The following RAB15 variants were observed in gnomAD, a reference collection of about 807,000 sequenced individuals.
RAB15 encodes RAB15, member RAS oncogene family, also known as ras-related protein Rab-15.
A neutral mutation model predicts 31.8 loss-of-function variants in RAB15; 13 were observed. The ratio of observed to expected loss-of-function variants is 0.41; its 90% CI spans 0.27 to 0.65. The LOEUF (loss-of-function observed/expected upper bound fraction) is 0.65. Ranked by LOEUF, RAB15 falls within the 30% of genes least tolerant of loss-of-function variation. The pLI, the probability that RAB15 is intolerant of heterozygous loss-of-function variation, is 0.32. For missense variants in RAB15, 220 were observed against 277.3 expected (o/e 0.79, Z 1.47); for synonymous variants, 100 against 105.6 (o/e 0.95, Z 0.33).
chr14:64,961,574 C>T (rs1294530765), intron 1 of RAB15, among the ~76,000 whole-genome samples: 1 of 152,162 alleles, frequency 6.6e-6, no homozygotes, highest in African/African-American at 2.4e-5. Context: ...CTCTAGGGCT[C>T]AAGCAGTGAG....
chr14:64,967,722 C>T (rs1422393996), intron 1 of RAB15, among the ~76,000 whole-genome samples: 1 of 152,194 alleles, frequency 6.6e-6, no homozygotes, highest in Non-Finnish European at 1.5e-5. Context: ...CATAGATGTC[C>T]ATGTATGACA....
At position 64,970,101 on chromosome 14, in the gene RAB15, G is replaced by C. The variant is rs1887345506; in HGVS notation, c.124+1852C>G. On this transcript the variant is annotated intron_variant, in intron 1 of 6. Coordinates refer to ENST00000533601, the MANE Select transcript of RAB15 (RefSeq NM_001308154.2). The surrounding 1 kb of genome is among the most constrained non-coding windows in gnomAD (Gnocchi z 4.1). Reference sequence around the variant, plus strand: ...ATGTCACCTATAGGACTTGGAATGGGACTAGGAGAGCAGGTGCAAACAACA... The same window carrying C: ...ATGTCACCTATAGGACTTGGAATGGCACTAGGAGAGCAGGTGCAAACAACA... Among the ~76,000 whole-genome samples, 1 of 152,178 alleles carries C rather than the reference G, an allele frequency of 6.6e-6. No homozygotes were observed. Among genetic ancestry groups the C allele is most frequent in the Non-Finnish European group, 1.5e-5 (1 of 68,028 alleles).
At chr14:64,959,560 A>G (rs1408665595) in intron 1 of RAB15, among the ~76,000 whole-genome samples, 1 of 152,154 alleles carries the variant, frequency 6.6e-6, no homozygotes, top group Non-Finnish European at 1.5e-5. Context: ...CAATTCCAAA[A>G]CAAATTCTAA....
At chr14:64,957,266 G>T (rs1030121102) in intron 1 of RAB15, among the ~76,000 whole-genome samples, 2 of 152,238 alleles carry the variant, frequency 1.3e-5, no homozygotes, top group African/African-American at 4.8e-5. Context: ...GGAGAATACT[G>T]CTTCCCTCCT....
rs1445706241 is a variant in RAB15, at chr14:64,951,553, G to A, written c.246+50C>T. 6.7e-7 allele frequency: 1 copy of A among 1,499,210 alleles called. No individual in the cohort carries two copies. The highest frequency in any genetic ancestry group is 9.3e-7 in the Non-Finnish European group (1 of 1,074,908). The allele number at this position is 1,499,210 out of a possible 1,614,324, so 92.9% of individuals were successfully genotyped here. On this transcript the variant is annotated intron_variant, in intron 3 of 6. Coordinates refer to ENST00000533601, the MANE Select transcript of RAB15 (RefSeq NM_001308154.2). The surrounding 1 kb of genome is among the most constrained non-coding windows in gnomAD (Gnocchi z 7.2). ...AGACATCTCAAATACCCAGAGCTGG[G>A]AGTGTGGGTGGCAGCTTCCCACTTT...
At position 64,954,279 on chromosome 14, in the gene RAB15, C is replaced by A. The variant is rs1886422339; in HGVS notation, c.125-1708G>T. ...AGGGAGGAAGGAGAGAAGCATCAGG[C>A]CTTGGGAAGCAGGAGTATGCTTATT... On this transcript the variant is annotated intron_variant, in intron 1 of 6. Transcript: ENST00000533601. The surrounding 1 kb of genome is among the most constrained non-coding windows in gnomAD (Gnocchi z 4.3). 3 of 985,348 alleles carry A rather than the reference C, an allele frequency of 3.0e-6. No homozygotes were observed. Among genetic ancestry groups the A allele is most frequent in the Non-Finnish European group, 3.6e-6 (3 of 829,914 alleles). The allele number at this position is 985,348 out of a possible 1,614,324, so 61.0% of individuals were successfully genotyped here. A position where few individuals can be genotyped will look rare whatever the true frequency, so the allele number is the denominator to read the frequency against.
rs764894367 is a variant in RAB15, at chr14:64,971,889, G to A, written c.124+64C>T. 1 of 1,468,902 alleles carries A rather than the reference G, an allele frequency of 6.8e-7. No homozygotes were observed. Among genetic ancestry groups the A allele is most frequent in the Admixed American group, 2.0e-5 (1 of 49,570 alleles). 91.0% of individuals were successfully genotyped at this position (1,468,902 alleles called of 1,614,324 possible). A position where few individuals can be genotyped will look rare whatever the true frequency, so the allele number is the denominator to read the frequency against. Reference sequence around the variant, plus strand: ...TGGCAATTCCTCCCCAGCTGGGGACGGGGGCGGCGGGGAAAGGGGCCGCGG... The same window carrying A: ...TGGCAATTCCTCCCCAGCTGGGGACAGGGGCGGCGGGGAAAGGGGCCGCGG... On this transcript the variant is annotated intron_variant, in intron 1 of 6. Coordinates refer to ENST00000533601, the MANE Select transcript of RAB15 (RefSeq NM_001308154.2). The surrounding 1 kb of genome is among the most constrained non-coding windows in gnomAD (Gnocchi z 4.1).
chr14:64,967,370 C>G (rs8009893), intron 1 of RAB15, among the ~76,000 whole-genome samples: 1 of 151,878 alleles, frequency 6.6e-6, no homozygotes, highest in Non-Finnish European at 1.5e-5. Context: ...TGGTGGATCA[C>G]GAGTCCAGGA....
Position 64,948,220 on chromosome 14 carries a change from GGGA to G in RAB15, c.*131_*133del. On this transcript the variant is annotated 3_prime_UTR_variant, in exon 7 of 7. Coordinates refer to ENST00000533601, the MANE Select transcript of RAB15 (RefSeq NM_001308154.2). The surrounding 1 kb of genome is among the most constrained non-coding windows in gnomAD (Gnocchi z 7.0). The stretch of plus-strand genomic sequence containing the variant: ...AGAGCCGCTCTCAGGGCCAGGCAGG[GGGA>G]GTAGTGGCTACTGATACTCAATAGG... The G allele has an allele frequency of 1.1e-6, 1 of 921,824 alleles. No individual in the cohort carries two copies. The allele number at this position is 921,824 out of a possible 1,614,324, so 57.1% of individuals were successfully genotyped here. A position where few individuals can be genotyped will look rare whatever the true frequency, so the allele number is the denominator to read the frequency against.
Position 64,955,133 on chromosome 14 carries a change from C to T in RAB15, c.125-2562G>A, listed in dbSNP as rs1040892539. Among the ~76,000 whole-genome samples, 2 of 152,150 alleles carry T rather than the reference C, an allele frequency of 1.3e-5. No individual in the cohort carries two copies. Among genetic ancestry groups the T allele is most frequent in the Non-Finnish European group, 2.9e-5 (2 of 68,028 alleles). ...CTTGCAACCTAGGTCTCACTGGCCA[C>T]CTGGGAACATGTGTTTTATTCACCT... On this transcript the variant is annotated intron_variant, in intron 1 of 6. Coordinates refer to ENST00000533601, the MANE Select transcript of RAB15 (RefSeq NM_001308154.2). The surrounding 1 kb of genome is among the most constrained non-coding windows in gnomAD (Gnocchi z 4.4).
rs1379450684 is a variant in RAB15 at position 64,951,624 on chromosome 14, C to G, written c.225G>C (p.Lys75Asn). 2.5e-6 allele frequency: 4 copies of G among 1,614,212 alleles called. No homozygotes were observed. The highest frequency in any genetic ancestry group is 3.4e-6 in the Non-Finnish European group (4 of 1,180,026). ...TTACCTGGGCCCGCCGATAGTACTG[C>G]TTTGTGATGGTCTGGTATCTCTCCT... ...AGQERYQTIT[K>N]QYYRRAQGIF... Residue 75 changes from lysine (K) to asparagine (N), a missense_variant, in exon 3 of 7, where the codon AAG becomes AAC. Transcript: ENST00000533601. This position sits in a 1 kb window ranked among gnomAD's most constrained non-coding sequence, Gnocchi z 7.2.
rs567823415 is a variant in RAB15, at chr14:64,962,266, G to A, written c.124+9687C>T. Among the ~76,000 whole-genome samples the A allele has an allele frequency of 3.9e-5, 6 of 152,178 alleles. No individual in the cohort carries two copies. The highest frequency in any genetic ancestry group is 2.1e-4 in the South Asian group (1 of 4,818). On this transcript the variant is annotated intron_variant, in intron 1 of 6. Transcript: ENST00000533601. The surrounding 1 kb of genome is among the most constrained non-coding windows in gnomAD (Gnocchi z 4.2). ...AAAAACAGTCCCAAGAAACCAATAC[G>A]ACCTATAACTTCCCTCAGGGAAGAA...
rs1887467154 is a variant in RAB15 at position 64,972,185 on chromosome 14, G to A, written c.-109C>T. 1 of 919,712 alleles carries A rather than the reference G, an allele frequency of 1.1e-6. No homozygotes were observed. Among genetic ancestry groups the A allele is most frequent in the African/African-American group, 1.8e-5 (1 of 56,018 alleles). The allele number at this position is 919,712 out of a possible 1,614,324, so 57.0% of individuals were successfully genotyped here. Reference sequence around the variant, plus strand: ...CCGGGGACGCTGCGGGCGGCGAGGAGGACGCCGGGCCCGGCCCCCGCGGCT... The same window carrying A: ...CCGGGGACGCTGCGGGCGGCGAGGAAGACGCCGGGCCCGGCCCCCGCGGCT... On this transcript the variant is annotated 5_prime_UTR_variant, in exon 1 of 7. Transcript: ENST00000533601. This position sits in a 1 kb window ranked among gnomAD's most constrained non-coding sequence, Gnocchi z 6.3.
chr14:64,954,137 C>T lies in RAB15; in HGVS notation c.125-1566G>A. On this transcript the variant is annotated intron_variant, in intron 1 of 6. Coordinates refer to ENST00000533601, the MANE Select transcript of RAB15 (RefSeq NM_001308154.2). The surrounding 1 kb of genome is among the most constrained non-coding windows in gnomAD (Gnocchi z 4.3). ...TAAATCGATTTGGTCAGACGTGAAT[C>T]ATTTCTCGCCTGCCCAAGCTGATTC... 1 of 985,422 alleles carries T rather than the reference C, an allele frequency of 1.0e-6. No individual in the cohort carries two copies. The highest frequency in any genetic ancestry group is 1.2e-6 in the Non-Finnish European group (1 of 829,920). The allele number at this position is 985,422 out of a possible 1,614,324, so 61.0% of individuals were successfully genotyped here.
At position 64,950,370 on chromosome 14, in the gene RAB15, A is replaced by G; in HGVS notation, c.369T>C (p.Ala123=). 1 of 1,614,114 alleles carries G rather than the reference A, an allele frequency of 6.2e-7. No individual in the cohort carries two copies. The highest frequency in any genetic ancestry group is 1.3e-5 in the African/African-American group (1 of 75,018). The change falls in exon 5 of 7, where the codon GCT becomes GCC. Residue 123 remains alanine, a synonymous_variant. Transcript: ENST00000533601. The surrounding 1 kb of genome is among the most constrained non-coding windows in gnomAD (Gnocchi z 5.6). ...CCACCTGCCGTTTCTGCTCCTCATC[A>G]GCCTTATTCCCAATAAGGATCTTCT... ...GVQKILIGNK[A]DEEQKRQVGR...
chr14:64,972,109 G>A lies in RAB15; in HGVS notation c.-33C>T, dbSNP rs1237275393. ...GCCAGCGGGGCCGGGAACTGCGGGC[G>A]GGCAGCGGGCTCAGCCCTGCTCCGC... On this transcript the variant is annotated 5_prime_UTR_variant, in exon 1 of 7. Coordinates refer to ENST00000533601, the MANE Select transcript of RAB15 (RefSeq NM_001308154.2). The surrounding 1 kb of genome is among the most constrained non-coding windows in gnomAD (Gnocchi z 6.3). The A allele has an allele frequency of 6.4e-7, 1 of 1,557,250 alleles. No individual in the cohort carries two copies. Among genetic ancestry groups the A allele is most frequent in the Non-Finnish European group, 8.7e-7 (1 of 1,155,768 alleles).
At chr14:64,963,421 C>T (rs974900078) in intron 1 of RAB15, among the ~76,000 whole-genome samples, 2 of 152,080 alleles carry the variant, frequency 1.3e-5, no homozygotes, top group Non-Finnish European at 2.9e-5. Flanking sequence ...GCCACCCCAT[C>T]TCGCTCCCCA....
Position 64,954,272 on chromosome 14 carries a change from C to T in RAB15, c.125-1701G>A. On this transcript the variant is annotated intron_variant, in intron 1 of 6. Transcript: ENST00000533601. This position sits in a 1 kb window ranked among gnomAD's most constrained non-coding sequence, Gnocchi z 4.3. ...GGGAGGAAGGGAGGAAGGAGAGAAG[C>T]ATCAGGCCTTGGGAAGCAGGAGTAT... is the stretch of plus-strand genomic sequence containing the variant. 2.0e-6 allele frequency: 2 copies of T among 985,396 alleles called. No homozygotes were observed. The highest frequency in any genetic ancestry group is 4.7e-5 in the South Asian group (1 of 21,284). The allele number at this position is 985,396 out of a possible 1,614,324, so 61.0% of individuals were successfully genotyped here.
In RAB15 at chr14:64,962,168, T is replaced by G. The variant is rs746082845; in HGVS notation, c.125-9597A>C. 7.2e-5 allele frequency among the ~76,000 whole-genome samples: 11 copies of G among 152,156 alleles called. No homozygotes were observed. Among genetic ancestry groups the G allele is most frequent in the Non-Finnish European group, 1.2e-4 (8 of 68,038 alleles). Reference sequence around the variant, plus strand: ...AGGCGGAAGTTGCAGTGAGCCAAGATTGTGCCACTGCACTCCAGCCTGGGG... The same window carrying G: ...AGGCGGAAGTTGCAGTGAGCCAAGAGTGTGCCACTGCACTCCAGCCTGGGG... On this transcript the variant is annotated intron_variant, in intron 1 of 6. Transcript: ENST00000533601. This position sits in a 1 kb window ranked among gnomAD's most constrained non-coding sequence, Gnocchi z 4.2.
Sources: allele counts gnomAD v4.1 joint callset (sites outside exome capture counted in the v4.1 genomes callset), GRCh38; gene constraint gnomAD v4.1.1; non-coding constraint Gnocchi (gnomAD v3.1); transcripts MANE v1.5; gene names NCBI Gene and HGNC (gene_info 2026-07-23, HGNC 2026-07-21).